Variants in KIRREL3 observed in about 807,000 individuals in gnomAD.
KIRREL3 encodes kin of IRRE-like protein 3.
A neutral mutation model predicts 89.7 loss-of-function variants in KIRREL3; 36 were observed. The observed-to-expected ratio is 0.40, with a 90% CI of 0.31 to 0.53. The LOEUF (loss-of-function observed/expected upper bound fraction) is 0.53, where lower values mean the gene tolerates loss of function less well. KIRREL3 is among the 20% of genes least tolerant of loss of function. KIRREL3 has a pLI of 0.49. For synonymous variants in KIRREL3, 445 were observed against 441.4 expected (o/e 1.01, Z -0.10); for missense variants, 864 against 1,056.6 (o/e 0.82, Z 2.53).
rs1296369785 is a variant in KIRREL3, at chr11:126,837,850, G to A, written c.55+162605C>T. ...TCTAGCAGCTCGCAGTCTATGTCCA[G>A]GCATACATCCTATCTCTCTACACTC... On this transcript the variant is annotated intron_variant, in intron 1 of 16. Coordinates refer to ENST00000525144, the MANE Select transcript of KIRREL3 (RefSeq NM_032531.4). This position sits in a 1 kb window ranked among gnomAD's most constrained non-coding sequence, Gnocchi z 4.7. Among the ~76,000 whole-genome samples, 1 of 152,108 alleles carries A rather than the reference G, an allele frequency of 6.6e-6. No individual in the cohort carries two copies. The highest frequency in any genetic ancestry group is 6.5e-5 in the Admixed American group (1 of 15,284).
chr11:126,842,925 G>A (rs1490092228), intron 1 of KIRREL3, among the ~76,000 whole-genome samples: 6 of 151,358 alleles, frequency 4.0e-5, no homozygotes, highest in African/African-American at 1.5e-4. Context: ...TATGGGTCAA[G>A]TTCAGAAGGA....
Position 126,752,496 on chromosome 11 carries a change from C to G in KIRREL3, c.56-189584G>C, listed in dbSNP as rs1280230598. On this transcript the variant is annotated intron_variant, in intron 1 of 16. Transcript: ENST00000525144. The surrounding 1 kb of genome is among the most constrained non-coding windows in gnomAD (Gnocchi z 4.8). Reference sequence around the variant, plus strand: ...TAATTGCATAATAGCATTATTCTTACAGCGGAATAAGACCACTGAGTGTTG... The same window carrying G: ...TAATTGCATAATAGCATTATTCTTAGAGCGGAATAAGACCACTGAGTGTTG... Among the ~76,000 whole-genome samples the G allele has an allele frequency of 4.6e-5, 7 of 152,118 alleles. No homozygotes were observed.
At position 126,484,442 on chromosome 11, in the gene KIRREL3, G is replaced by A. The variant is rs184090853; in HGVS notation, c.434-10976C>T. Among the ~76,000 whole-genome samples the A allele has an allele frequency of 2.6e-5, 4 of 152,180 alleles. No individual in the cohort carries two copies. The highest frequency in any genetic ancestry group is 9.7e-5 in the African/African-American group (4 of 41,434). ...CTTTAATCCTCACAGCTCTATATAA[G>A]GTAGATACAATGACGATGCATATTT... On this transcript the variant is annotated intron_variant, in intron 4 of 16. Transcript: ENST00000525144. The surrounding 1 kb of genome is among the most constrained non-coding windows in gnomAD (Gnocchi z 5.2).
chr11:126,604,395 A>G (rs1215167755), intron 1 of KIRREL3, among the ~76,000 whole-genome samples: 1 of 152,246 alleles, frequency 6.6e-6, no homozygotes, highest in Non-Finnish European at 1.5e-5. Context: ...TAAGAACAGT[A>G]AGAGCTGCCA....
intron 4 of KIRREL3, among the ~76,000 whole-genome samples, chr11:126,500,552 C>A (rs192628454): frequency 4.4e-4 from 67 of 152,218 alleles, no homozygotes; most frequent in African/African-American, 1.5e-3. Flanking sequence ...CCAGCCTGAC[C>A]AACATGGTGA....
Position 126,844,015 on chromosome 11 carries a change from CT to C in KIRREL3, c.55+156439del, listed in dbSNP as rs1395822412. ...GAGTAGCCATTCTTTTGTTCCTTTA[CT>C]TTCTTAATAAACTTGCTTTCACTTT... On this transcript the variant is annotated intron_variant, in intron 1 of 16. Transcript: ENST00000525144. The surrounding 1 kb of genome is among the most constrained non-coding windows in gnomAD (Gnocchi z 4.8). Among the ~76,000 whole-genome samples the C allele has an allele frequency of 6.6e-6, 1 of 152,196 alleles. No homozygotes were observed. The highest frequency in any genetic ancestry group is 1.5e-5 in the Non-Finnish European group (1 of 68,040).
rs144043916 is a variant in KIRREL3, at chr11:126,617,947, T to C, written c.56-55035A>G. ...GTTTGGATCTGTGTCCCCACCCAAG[T>C]CTTATGTTCAGTTGTGATCCTCAAT... On this transcript the variant is annotated intron_variant, in intron 1 of 16. Coordinates refer to ENST00000525144, the MANE Select transcript of KIRREL3 (RefSeq NM_032531.4). 1.0e-3 allele frequency among the ~76,000 whole-genome samples: 156 copies of C among 152,290 alleles called. 1 individual carries two copies. The highest frequency in any genetic ancestry group is 3.5e-3 in the African/African-American group (147 of 41,558).
intron 1 of KIRREL3, among the ~76,000 whole-genome samples, chr11:126,852,454 T>C (rs145805753): frequency 5.9e-5 from 9 of 152,316 alleles, no homozygotes; most frequent in Non-Finnish European, 1.0e-4. Context: ...ATGTTATTCA[T>C]ACCAGTTTGC....
chr11:126,889,322 T>C (rs1172259471), intron 1 of KIRREL3, among the ~76,000 whole-genome samples: 5 of 151,788 alleles, frequency 3.3e-5, no homozygotes, highest in African/African-American at 1.2e-4. Flanking sequence ...TAAAATCACA[T>C]AATATGAACC....
rs1337035882 is a variant in KIRREL3, at chr11:126,566,484, A to G, written c.56-3572T>C. ...TTAATGAAAGGGCTGGCTACAAAAT[A>G]TGGGACTGTGAAGGGTTCCTTCTGA... is the stretch of plus-strand genomic sequence containing the variant. On this transcript the variant is annotated intron_variant, in intron 1 of 16. Transcript: ENST00000525144. The surrounding 1 kb of genome is among the most constrained non-coding windows in gnomAD (Gnocchi z 4.9). Among the ~76,000 whole-genome samples, 1 of 152,198 alleles carries G rather than the reference A, an allele frequency of 6.6e-6. No individual in the cohort carries two copies. The highest frequency in any genetic ancestry group is 1.5e-5 in the Non-Finnish European group (1 of 68,038).
rs565829324 is a variant in KIRREL3, at chr11:126,998,665, C to T, written c.55+1790G>A. On this transcript the variant is annotated intron_variant, in intron 1 of 16. Coordinates refer to ENST00000525144, the MANE Select transcript of KIRREL3 (RefSeq NM_032531.4). Reference sequence around the variant, plus strand: ...CAGACCAAGAAAGAAATAAGCACAACAGAAGATGTACACTGTAATGATTCA... The same window carrying T: ...CAGACCAAGAAAGAAATAAGCACAATAGAAGATGTACACTGTAATGATTCA... Among the ~76,000 whole-genome samples the T allele has an allele frequency of 2.6e-5, 4 of 152,316 alleles. No homozygotes were observed. In the East Asian group the frequency reaches 7.7e-4, roughly 29 times the overall value.
chr11:126,785,277 A>G (rs1443883179), intron 1 of KIRREL3, among the ~76,000 whole-genome samples: 1 of 152,160 alleles, frequency 6.6e-6, no homozygotes, highest in Non-Finnish European at 1.5e-5. Flanking sequence ...ATCTTAATAC[A>G]GCAGAAACAA....
chr11:126,632,635 G>A (rs930808111), intron 1 of KIRREL3, among the ~76,000 whole-genome samples: 2 of 38,122 alleles, frequency 5.2e-5, no homozygotes, highest in African/African-American at 1.9e-4. Flanking sequence ...CTCTCAGCAC[G>A]GAGCGTTTAC....
At chr11:126,442,900 C>G (rs1478080383) in intron 10 of KIRREL3, among the ~76,000 whole-genome samples, 2 of 152,222 alleles carry the variant, frequency 1.3e-5, no homozygotes, top group Non-Finnish European at 2.9e-5. Context: ...GGAGCTTGTG[C>G]TGGCAGGGGT....
chr11:126,545,523 C>T (rs1938744285), intron 2 of KIRREL3, among the ~76,000 whole-genome samples: 1 of 152,008 alleles, frequency 6.6e-6, no homozygotes, highest in Non-Finnish European at 1.5e-5. Flanking sequence ...GTAATCCCAG[C>T]ACTTTGGAAG....
intron 1 of KIRREL3, among the ~76,000 whole-genome samples, chr11:126,899,086 G>A (rs1392630812): frequency 1.3e-5 from 2 of 152,004 alleles, no homozygotes; most frequent in East Asian, 3.9e-4. Flanking sequence ...AGGCTGGTTA[G>A]AGAGTCAATT....
chr11:126,706,677 A>T (rs1947539938), intron 1 of KIRREL3, among the ~76,000 whole-genome samples: 1 of 152,212 alleles, frequency 6.6e-6, no homozygotes, highest in Non-Finnish European at 1.5e-5. Context: ...TGTGTAATAA[A>T]TTTTTAAAAA....
chr11:126,446,690 C>T, intron 9 of KIRREL3, 69 bp downstream of exon 9: 5 of 1,483,502 alleles, frequency 3.4e-6, no homozygotes, highest in Non-Finnish European at 4.6e-6. Context: ...GCCTGGGCAG[C>T]AGTTCCTTCT....
intron 1 of KIRREL3, among the ~76,000 whole-genome samples, chr11:126,759,701 C>A (rs1378741968): frequency 6.6e-6 from 1 of 152,192 alleles, no homozygotes; most frequent in Admixed American, 6.5e-5. Flanking sequence ...CATAAAGAAG[C>A]CTGCTTATGA....
Sources: allele counts gnomAD v4.1 joint callset (sites outside exome capture counted in the v4.1 genomes callset), GRCh38; gene constraint gnomAD v4.1.1; non-coding constraint Gnocchi (gnomAD v3.1); transcripts MANE v1.5; gene names NCBI Gene and HGNC (gene_info 2026-07-23, HGNC 2026-07-21).